ACYP2: variants seen among roughly 807,000 people sequenced by gnomAD.
The protein encoded by ACYP2 is acylphosphatase 2, also known as acylphosphatase-2.
In ACYP2, 12 loss-of-function variants were observed where a neutral mutation model predicts 11.2. The ratio of observed to expected loss-of-function variants is 1.08; its 90% CI spans 0.69 to 1.74. ACYP2 has a LOEUF of 1.74. ACYP2 is among the 40% of genes most tolerant of loss of function. The pLI is 0.00. For missense variants in ACYP2, 134 were observed against 101.9 expected (o/e 1.31, Z -1.35); for synonymous variants, 43 against 32.2 (o/e 1.33, Z -1.13).
chr2:54,240,330 A>G (rs1444356424), intron 6 of ACYP2, among the ~76,000 whole-genome samples: 1 of 152,246 alleles, frequency 6.6e-6, no homozygotes, highest in African/African-American at 2.4e-5. Flanking sequence ...AGTAGAAAAC[A>G]GACCTCATGC....
At chr2:54,150,810 T>C (rs1682128639) in intron 6 of ACYP2, among the ~76,000 whole-genome samples, 2 of 149,084 alleles carry the variant, frequency 1.3e-5, no homozygotes, top group South Asian at 4.3e-4. Flanking sequence ...GGTGCAATCT[T>C]GGCTGACTGC....
At chr2:53,994,172 T>G (rs895853515) in intron 2 of ACYP2, among the ~76,000 whole-genome samples, 4 of 151,096 alleles carry the variant, frequency 2.6e-5, no homozygotes, top group Non-Finnish European at 4.4e-5. Flanking sequence ...CTACTAAAAA[T>G]ACAAAAAATT....
At chr2:54,115,276 T>A (rs978242269) in intron 4 of ACYP2, 1 of 429,794 alleles carries the variant, frequency 2.3e-6, no homozygotes, top group Non-Finnish European at 4.1e-6. Context: ...CATCACCTTG[T>A]ACACCACAAA....
chr2:54,277,554 T>C (rs1048267432), intron 6 of ACYP2, among the ~76,000 whole-genome samples: 1 of 152,124 alleles, frequency 6.6e-6, no homozygotes, highest in African/African-American at 2.4e-5. Context: ...GGCATGCGCC[T>C]GTAATCCCAG....
At chr2:53,988,983 A>T (rs1447853841) in intron 2 of ACYP2, among the ~76,000 whole-genome samples, 2 of 152,114 alleles carry the variant, frequency 1.3e-5, no homozygotes, top group Non-Finnish European at 2.9e-5. Flanking sequence ...TCCTGACCTC[A>T]GGTGAACTTC....
At chr2:54,159,662 G>C (rs1297956985) in intron 6 of ACYP2, among the ~76,000 whole-genome samples, 1 of 152,136 alleles carries the variant, frequency 6.6e-6, no homozygotes, top group Non-Finnish European at 1.5e-5. Context: ...GGGTGAGAGA[G>C]GTAGGCAGGT....
At chr2:54,273,875 A>G (rs545989795) in intron 6 of ACYP2, among the ~76,000 whole-genome samples, 138 of 152,308 alleles carry the variant, frequency 9.1e-4, no homozygotes, top group African/African-American at 3.0e-3. Context: ...TATACTACCA[A>G]TAGTTACAAA....
chr2:54,255,007 AGGTAGTACTGCAGT>A, intron 6 of ACYP2: 1 of 1,614,090 alleles, frequency 6.2e-7, no homozygotes, highest in African/African-American at 1.3e-5. Context: ...TTCACCCAAC[AGGTAGTACTGCAGT>A]GGATTTGACC....
intron 4 of ACYP2, among the ~76,000 whole-genome samples, chr2:54,095,254 A>G (rs1344153081): frequency 1.3e-5 from 2 of 152,256 alleles, no homozygotes; most frequent in Non-Finnish European, 2.9e-5. Flanking sequence ...TTCTTAGTAC[A>G]GAACAAAACG....
chr2:54,001,262 A>G lies in ACYP2; in HGVS notation c.62+27452A>G, dbSNP rs1287472771. ...AGTAGTCCTAGCCACTTGAGAGGCT[A>G]AGGTGGGAGGAATACTTGGGTCTGG... On this transcript the variant is annotated intron_variant, in intron 2 of 6. Transcript: ENST00000607452. 5.3e-5 allele frequency among the ~76,000 whole-genome samples: 8 copies of G among 152,272 alleles called. No homozygotes were observed. In the East Asian group the frequency reaches 1.5e-3, roughly 29 times the overall value.
intron 6 of ACYP2, among the ~76,000 whole-genome samples, chr2:54,156,752 A>C (rs1572866280): frequency 6.6e-6 from 1 of 151,378 alleles, no homozygotes; most frequent in South Asian, 2.1e-4. Flanking sequence ...TGCAACCTCC[A>C]CCTCCCGGGT....
chr2:54,135,704 T>A (rs1681187599), intron 5 of ACYP2, among the ~76,000 whole-genome samples: 1 of 152,176 alleles, frequency 6.6e-6, no homozygotes, highest in Admixed American at 6.5e-5. Flanking sequence ...AAAGTACCTC[T>A]CTTTGGGTGA....
intron 2 of ACYP2, among the ~76,000 whole-genome samples, chr2:53,986,679 C>T (rs913328141): frequency 3.4e-4 from 50 of 148,088 alleles, no homozygotes; most frequent in African/African-American, 9.5e-4. Context: ...GGATGGAGTG[C>T]AGTGGTGTGA....
At chr2:54,138,080 A>G (rs1292251734) in intron 5 of ACYP2, among the ~76,000 whole-genome samples, 1 of 124,440 alleles carries the variant, frequency 8.0e-6, no homozygotes, top group Non-Finnish European at 1.7e-5. Flanking sequence ...ACATATGTCT[A>G]CTTTTGAGAA....
intron 2 of ACYP2, among the ~76,000 whole-genome samples, chr2:54,032,916 G>A (rs534994250): frequency 3.9e-5 from 6 of 152,308 alleles, no homozygotes; most frequent in African/African-American, 1.2e-4. Context: ...CATTTCTAAG[G>A]AGGGACCTGA....
intron 6 of ACYP2, among the ~76,000 whole-genome samples, chr2:54,270,413 T>A (rs1314965023): frequency 6.6e-6 from 1 of 151,918 alleles, no homozygotes; most frequent in Non-Finnish European, 1.5e-5. Flanking sequence ...TTACTTTTTG[T>A]TTTTGTGTTT....
At chr2:54,153,155 G>A (rs1446166061) in intron 6 of ACYP2, among the ~76,000 whole-genome samples, 1 of 151,994 alleles carries the variant, frequency 6.6e-6, no homozygotes. Flanking sequence ...TGTATATGGT[G>A]TGACATAAGG....
At chr2:54,252,421 T>G (rs843710) in intron 6 of ACYP2, among the ~76,000 whole-genome samples, 1 of 151,884 alleles carries the variant, frequency 6.6e-6, no homozygotes, top group African/African-American at 2.4e-5. Flanking sequence ...GGTATATTCC[T>G]AGAACTAGAT....
In ACYP2 at chr2:54,137,149, T is replaced by C. The variant is rs370936122; in HGVS notation, c.295-1490T>C. Among the ~76,000 whole-genome samples, 17 of 152,090 alleles carry C rather than the reference T, an allele frequency of 1.1e-4. No homozygotes were observed. In the East Asian group the frequency reaches 3.3e-3, roughly 29 times the overall value. On this transcript the variant is annotated intron_variant, in intron 5 of 6. Coordinates refer to ENST00000607452, the MANE Select transcript of ACYP2 (RefSeq NM_001320586.2). ...ATAATAGGAGAGATAAATCTACCCA[T>C]AGACAATTATAACATTTCTGTGCCA... is the stretch of plus-strand genomic sequence containing the variant.
Sources: gnomAD v4.1 joint callset for allele counts (sites outside exome capture counted in the v4.1 genomes callset) on GRCh38, gnomAD v4.1.1 for gene constraint, MANE v1.5 for transcripts, NCBI Gene and HGNC (gene_info 2026-07-23, HGNC 2026-07-21) for gene names.